The following TBC1D3B variants were observed in gnomAD, a reference collection of about 807,000 sequenced individuals.
The protein encoded by TBC1D3B is Rab GTPase-activating protein PRC17 duplicate.
A neutral mutation model predicts 27.1 loss-of-function variants in TBC1D3B; 2 were observed. That is an observed-to-expected ratio of 0.07 (90% CI 0.03 to 0.23). The LOEUF is 0.23. Ranked by LOEUF, TBC1D3B falls within the 10% of genes least tolerant of loss-of-function variation. TBC1D3B has a pLI of 1.00. For synonymous variants in TBC1D3B, 3 were observed against 150.1 expected, an observed-to-expected ratio of 0.02 and a Z score of 7.16; for missense variants, 17 against 401.3, an observed-to-expected ratio of 0.04 and a Z score of 8.18.
rs1364587848 is a variant in TBC1D3B at position 36,171,445 on chromosome 17, C to T, written c.497+410G>A. Among the ~76,000 whole-genome samples, 556 of 151,026 alleles carry T rather than the reference C, an allele frequency of 3.7e-3. 13 individuals are homozygous for T. Among genetic ancestry groups the T allele is most frequent in the Middle Eastern group, 0.017 (5 of 292 alleles). On this transcript the variant is annotated intron_variant, in intron 7 of 13. Coordinates refer to ENST00000611257, the MANE Select transcript of TBC1D3B (RefSeq NM_001001417.7). ...CAACGTGGCTGTGCCATGTCATGTT[C>T]CCAGCGGACCTGGATGAGAGTTTCC...
chr17:36,170,789 A>G (rs2068336730), intron 7 of TBC1D3B, among the ~76,000 whole-genome samples, 186 bp from the exon 8 acceptor site: 1 of 80,204 alleles, frequency 1.2e-5, no homozygotes, highest in African/African-American at 2.8e-5. Flanking sequence ...TGACATGCAA[A>G]TAGCCCAGTT....
Position 36,165,717 on chromosome 17 carries a change from G to T in TBC1D3B, c.*278C>A, listed in dbSNP as rs2068238831. 1.0e-6 allele frequency: 1 copy of T among 1,000,190 alleles called. No homozygotes were observed. Among genetic ancestry groups the T allele is most frequent in the Non-Finnish European group, 1.5e-6 (1 of 680,256 alleles). 62.0% of individuals were successfully genotyped at this position (1,000,190 alleles called of 1,614,324 possible). A position where few individuals can be genotyped will look rare whatever the true frequency, so the allele number is the denominator to read the frequency against. ...GAAACATTTATTTCAAAACGTGAAG[G>T]TAGTTATCCTTCCATGAGTTTAAAG... On this transcript the variant is annotated 3_prime_UTR_variant, in exon 14 of 14. Transcript: ENST00000611257.
intron 11 of TBC1D3B, 131 bp downstream of exon 11, chr17:36,168,499 G>C: frequency 2.5e-6 from 1 of 402,294 alleles, no homozygotes; most frequent in South Asian, 2.5e-5. Context: ...AGAGGGTTTT[G>C]CTTGTGTGTC....
In TBC1D3B at chr17:36,176,635, C is replaced by T. The variant is rs1249093714; in HGVS notation, c.-157G>A. 1 of 133,684 alleles carries T rather than the reference C, an allele frequency of 7.5e-6. No individual in the cohort carries two copies. The highest frequency in any genetic ancestry group is 1.8e-5 in the Non-Finnish European group (1 of 55,394). 8.3% of individuals were successfully genotyped at this position (133,684 alleles called of 1,614,324 possible). On this transcript the variant is annotated 5_prime_UTR_variant, in exon 1 of 14. Transcript: ENST00000611257. ...ATAGGTGCTAAGCACCAGTGACATT[C>T]TGAGGTCATGGCACGAATCACAGTG...
At chr17:36,168,992 AGCC>A (rs1213027929) in intron 10 of TBC1D3B, 85 bp downstream of exon 10, 1 of 1,452,558 alleles carries the variant, frequency 6.9e-7, no homozygotes, top group Non-Finnish European at 9.7e-7. Flanking sequence ...GCCAGTCACC[AGCC>A]CCACGAGGGG....
chr17:36,169,464 G>A lies in TBC1D3B; in HGVS notation c.668-290C>T, dbSNP rs879638268. On this transcript the variant is annotated intron_variant, in intron 9 of 13. Coordinates refer to ENST00000611257, the MANE Select transcript of TBC1D3B (RefSeq NM_001001417.7). The stretch of plus-strand genomic sequence containing the variant: ...GAACTGGGTGGGCGCTGGGCTTCCC[G>A]GTCATCTCCTGGTAGTGGGGTCGGG... Among the ~76,000 whole-genome samples, 38 of 149,178 alleles carry A rather than the reference G, an allele frequency of 2.5e-4. 2 individuals are homozygous for A. The highest frequency in any genetic ancestry group is 8.4e-4 in the South Asian group (4 of 4,738).
chr17:36,171,383 T>C (rs1445862654), intron 7 of TBC1D3B, among the ~76,000 whole-genome samples: 3 of 150,818 alleles, frequency 2.0e-5, no homozygotes, highest in Admixed American at 2.0e-4. Flanking sequence ...GTGGTTCAAG[T>C]CCATCGAGCT....
Position 36,172,903 on chromosome 17 carries a change from CG to C in TBC1D3B, c.220del (p.Arg74GlufsTer22), listed in dbSNP as rs2068392227. ...EAKQIRREIS[R>X]KSKWVDMLGD... ...CAGCATATCCACCCACTTGCTCTTT[CG>C]GCTGATCTCCCGCCGAATTTGCTGT... On this transcript the variant is annotated frameshift_variant, in exon 5 of 14. Transcript: ENST00000611257. LOFTEE classifies it high-confidence loss of function. 3.2e-6 allele frequency: 1 copy of C among 309,720 alleles called. No individual in the cohort carries two copies. Among genetic ancestry groups the C allele is most frequent in the African/African-American group, 3.1e-5 (1 of 32,056 alleles). The allele number at this position is 309,720 out of a possible 1,614,324, so 19.2% of individuals were successfully genotyped here.
intron 11 of TBC1D3B, 140 bp downstream of exon 11, chr17:36,168,490 G>A: frequency 2.4e-6 from 1 of 414,102 alleles, no homozygotes; most frequent in Non-Finnish European, 4.4e-6. Context: ...CTCTTGGGCA[G>A]AGGGTTTTGC....
At chr17:36,169,623 A>G (rs1290115797) in intron 9 of TBC1D3B, among the ~76,000 whole-genome samples, 3 of 130,432 alleles carry the variant, frequency 2.3e-5, no homozygotes, top group African/African-American at 7.5e-5. Context: ...GCTGCACAGA[A>G]TCAGAGCCGG....
At chr17:36,169,501 G>C (rs1343476721) in intron 9 of TBC1D3B, among the ~76,000 whole-genome samples, 8 of 149,980 alleles carry the variant, frequency 5.3e-5, no homozygotes, top group Non-Finnish European at 1.2e-4. Context: ...CAGGGGAACA[G>C]GGGATGGGGA....
chr17:36,169,881 G>A lies in TBC1D3B; in HGVS notation c.667+10C>T. ...GCTGCAGGAGGTCCCCGGGGCAGCT[G>A]TTCACTTACCCTGCAGGGAGTGCCT... On this transcript the variant is annotated intron_variant, in intron 9 of 13. Transcript: ENST00000611257. The A allele has an allele frequency of 3.1e-6, 1 of 319,364 alleles. No individual in the cohort carries two copies. 19.8% of individuals were successfully genotyped at this position (319,364 alleles called of 1,614,324 possible).
intron 7 of TBC1D3B, among the ~76,000 whole-genome samples, chr17:36,171,578 G>C (rs1282716045): frequency 9.6e-4 from 143 of 149,512 alleles, no homozygotes; most frequent in African/African-American, 3.3e-3. Context: ...GTCCCCATGG[G>C]TCAGGGAGAG....
chr17:36,165,855 A>G lies in TBC1D3B; in HGVS notation c.*140T>C, dbSNP rs1320290610. 1.3e-5 allele frequency: 12 copies of G among 949,068 alleles called. 3 individuals are homozygous for G. Among genetic ancestry groups the G allele is most frequent in the Non-Finnish European group, 9.5e-6 (6 of 630,584 alleles). The allele number at this position is 949,068 out of a possible 1,614,324, so 58.8% of individuals were successfully genotyped here. A position where few individuals can be genotyped will look rare whatever the true frequency, so the allele number is the denominator to read the frequency against. The stretch of plus-strand genomic sequence containing the variant: ...TGTGATCTGGGGTCTGGTGTGTTCC[A>G]TCTCTGAATGTCTCTCAAGCTGCAC... On this transcript the variant is annotated 3_prime_UTR_variant, in exon 14 of 14. Transcript: ENST00000611257.
chr17:36,167,066 C>T (rs1486198585), intron 13 of TBC1D3B, among the ~76,000 whole-genome samples: 1 of 106,964 alleles, frequency 9.3e-6, no homozygotes, highest in African/African-American at 2.5e-5. Context: ...CCCGCCTGTG[C>T]CCTCTCCCTG....
chr17:36,166,712 T>C (rs1227719719), intron 13 of TBC1D3B, 149 bp from the exon 14 acceptor site: 1 of 284,064 alleles, frequency 3.5e-6, no homozygotes, highest in Non-Finnish European at 7.4e-6. Flanking sequence ...AGTCTGCTGA[T>C]CCCAGAGGGA....
Position 36,165,694 on chromosome 17 carries a change from A to T in TBC1D3B, c.*301T>A. The T allele has an allele frequency of 1.1e-6, 1 of 916,674 alleles. No individual in the cohort carries two copies. The allele number at this position is 916,674 out of a possible 1,614,324, so 56.8% of individuals were successfully genotyped here. A position where few individuals can be genotyped will look rare whatever the true frequency, so the allele number is the denominator to read the frequency against. ...AAAATCTAAAAGCATTTCAACAGGA[A>T]ACATTTATTTCAAAACGTGAAGGTA... On this transcript the variant is annotated 3_prime_UTR_variant, in exon 14 of 14. Coordinates refer to ENST00000611257, the MANE Select transcript of TBC1D3B (RefSeq NM_001001417.7).
rs536752270 is a variant in TBC1D3B, at chr17:36,165,922, C to T, written c.*73G>A. 2.6e-5 allele frequency: 26 copies of T among 994,516 alleles called. No individual in the cohort carries two copies. Among genetic ancestry groups the T allele is most frequent in the African/African-American group, 1.7e-4 (12 of 68,600 alleles). The allele number at this position is 994,516 out of a possible 1,614,324, so 61.6% of individuals were successfully genotyped here. A position where few individuals can be genotyped will look rare whatever the true frequency, so the allele number is the denominator to read the frequency against. ...TTCATAAGTTTAACCAAAAATAAAA[C>T]GAGGACGCGAAGCTTGCTTGGGTTG... is the stretch of plus-strand genomic sequence containing the variant. On this transcript the variant is annotated 3_prime_UTR_variant, in exon 14 of 14. Coordinates refer to ENST00000611257, the MANE Select transcript of TBC1D3B (RefSeq NM_001001417.7).
Position 36,175,154 on chromosome 17 carries a change from C to T in TBC1D3B, c.-1-103G>A. On this transcript the variant is annotated intron_variant, in intron 1 of 13. Coordinates refer to ENST00000611257, the MANE Select transcript of TBC1D3B (RefSeq NM_001001417.7). ...CCAGATGCTGGCTGGCTGCGTAACC[C>T]CCATTCCACCGCCGCCCCCAGGGAA... 1.0e-5 allele frequency: 4 copies of T among 399,482 alleles called. 1 individual carries two copies. In the Admixed American group the frequency reaches 1.1e-4, roughly 11 times the overall value. The allele number at this position is 399,482 out of a possible 1,614,324, so 24.7% of individuals were successfully genotyped here. A position where few individuals can be genotyped will look rare whatever the true frequency, so the allele number is the denominator to read the frequency against.
Sources: allele counts gnomAD v4.1 joint callset (sites outside exome capture counted in the v4.1 genomes callset), GRCh38; gene constraint gnomAD v4.1.1; transcripts MANE v1.5; gene names NCBI Gene and HGNC (gene_info 2026-07-23, HGNC 2026-07-21).